Variants in SMAD9 observed in about 807,000 individuals in gnomAD.
SMAD9 encodes the protein MAD homolog 9.
SMAD9 carries 36 observed loss-of-function variants against 46.1 expected under a neutral mutation model. The observed-to-expected ratio is 0.78, with a 90% CI of 0.60 to 1.03. SMAD9 has a LOEUF of 1.03. Ranked by LOEUF, SMAD9 falls within the 50% of genes least tolerant of loss-of-function variation. SMAD9 has a pLI of 0.00. For synonymous variants in SMAD9, 245 were observed against 237.1 expected (o/e 1.03, Z -0.31); for missense variants, 572 against 599.8 (o/e 0.95, Z 0.48).
intron 1 of SMAD9, among the ~76,000 whole-genome samples, chr13:36,916,344 C>T (rs967124398): frequency 2.6e-5 from 4 of 152,098 alleles, no homozygotes; most frequent in Admixed American, 2.0e-4. Flanking sequence ...TGGAAAACTG[C>T]TAATGCAATA....
At chr13:36,855,098 G>C (rs533128975) in intron 5 of SMAD9, among the ~76,000 whole-genome samples, 20 of 151,930 alleles carry the variant, frequency 1.3e-4, no homozygotes, top group African/African-American at 4.6e-4. Context: ...TGGCCAACAT[G>C]GTGAAACCCT....
chr13:36,917,229 A>G (rs1166336456), intron 1 of SMAD9, among the ~76,000 whole-genome samples: 1 of 152,206 alleles, frequency 6.6e-6, no homozygotes, highest in Non-Finnish European at 1.5e-5. Context: ...CAAGTTTCTT[A>G]AGAGACAAAA....
At chr13:36,857,070 C>T (rs977079655) in intron 5 of SMAD9, among the ~76,000 whole-genome samples, 7 of 152,048 alleles carry the variant, frequency 4.6e-5, no homozygotes, top group Non-Finnish European at 1.0e-4. Context: ...TCCCAAAGTG[C>T]TGAGATTACA....
intron 1 of SMAD9, among the ~76,000 whole-genome samples, chr13:36,917,761 CTATT>C (rs1360096633): frequency 6.6e-6 from 1 of 152,166 alleles, no homozygotes; most frequent in Non-Finnish European, 1.5e-5. Flanking sequence ...AACTGCTGTC[CTATT>C]TATTACAGAG....
intron 1 of SMAD9, among the ~76,000 whole-genome samples, chr13:36,893,437 TATAA>T (rs1010251311): frequency 2.7e-5 from 4 of 147,146 alleles, no homozygotes; most frequent in Admixed American, 2.0e-4. Flanking sequence ...TAAATATAAA[TATAA>T]ATATATATAT....
At chr13:36,886,300 G>A (rs781526253) in intron 1 of SMAD9, among the ~76,000 whole-genome samples, 1 of 152,230 alleles carries the variant, frequency 6.6e-6, no homozygotes, top group African/African-American at 2.4e-5. Flanking sequence ...TGCGTCCCCT[G>A]ACAAGGCGAG....
At chr13:36,894,587 T>C (rs974637911) in intron 1 of SMAD9, among the ~76,000 whole-genome samples, 1 of 152,178 alleles carries the variant, frequency 6.6e-6, no homozygotes, top group African/African-American at 2.4e-5. Flanking sequence ...TTATTCGTTA[T>C]AGACTAGAAA....
At chr13:36,882,254 T>C (rs1430385641) in intron 1 of SMAD9, among the ~76,000 whole-genome samples, 2 of 144,052 alleles carry the variant, frequency 1.4e-5, no homozygotes, top group Non-Finnish European at 2.9e-5. Context: ...TGTGTGTGTG[T>C]GTGTGTATGT....
chr13:36,914,461 G>C (rs2058683966), intron 1 of SMAD9, among the ~76,000 whole-genome samples: 1 of 152,166 alleles, frequency 6.6e-6, no homozygotes, highest in Non-Finnish European at 1.5e-5. Context: ...GGAGCTTGCA[G>C]TGAGCCGAGA....
intron 2 of SMAD9, 54 bp downstream of exon 2, chr13:36,879,224 G>A (rs2058376625): frequency 1.1e-5 from 16 of 1,473,380 alleles, no homozygotes; most frequent in Middle Eastern, 1.7e-4. Context: ...TCCATCAATG[G>A]GGCACACGAC....
chr13:36,889,480 A>T (rs936510073), intron 1 of SMAD9, among the ~76,000 whole-genome samples: 2 of 152,250 alleles, frequency 1.3e-5, no homozygotes, highest in African/African-American at 4.8e-5. Flanking sequence ...AGAAAACAGA[A>T]GCAAAATGGG....
chr13:36,917,342 T>A (rs1479090357), intron 1 of SMAD9, among the ~76,000 whole-genome samples: 1 of 152,120 alleles, frequency 6.6e-6, no homozygotes, highest in African/African-American at 2.4e-5. Context: ...CAGGATAACA[T>A]GAAACATTGT....
chr13:36,856,510 G>T (rs1250421873), intron 5 of SMAD9, among the ~76,000 whole-genome samples: 1 of 152,176 alleles, frequency 6.6e-6, no homozygotes, highest in Non-Finnish European at 1.5e-5. Context: ...CCAGCATGCG[G>T]AGCCCGCCCA....
At chr13:36,916,376 C>T (rs7358872) in intron 1 of SMAD9, among the ~76,000 whole-genome samples, 3 of 152,126 alleles carry the variant, frequency 2.0e-5, no homozygotes, top group African/African-American at 7.2e-5. Context: ...GAAGCTTTTC[C>T]TGACTGTAAT....
chr13:36,881,383 T>C (rs2058401329), intron 1 of SMAD9, among the ~76,000 whole-genome samples: 1 of 152,214 alleles, frequency 6.6e-6, no homozygotes, highest in African/African-American at 2.4e-5. Flanking sequence ...GCATTAAATA[T>C]AATTTTCTCC....
intron 5 of SMAD9, among the ~76,000 whole-genome samples, chr13:36,854,945 T>A (rs1216731167): frequency 6.6e-6 from 1 of 152,076 alleles, no homozygotes; most frequent in African/African-American, 2.4e-5. Flanking sequence ...ATAAGCAAAA[T>A]ATAGCCTACA....
At chr13:36,886,436 C>G (rs1419097235) in intron 1 of SMAD9, among the ~76,000 whole-genome samples, 2 of 152,214 alleles carry the variant, frequency 1.3e-5, no homozygotes, top group Non-Finnish European at 2.9e-5. Context: ...TCCTCAATCT[C>G]CAAAACGTTG....
At chr13:36,889,934 TAA>T (rs989315205) in intron 1 of SMAD9, among the ~76,000 whole-genome samples, 3 of 152,172 alleles carry the variant, frequency 2.0e-5, no homozygotes, top group African/African-American at 7.2e-5. Flanking sequence ...CATGAAAATC[TAA>T]GTTTATCAAA....
intron 1 of SMAD9, among the ~76,000 whole-genome samples, chr13:36,890,138 T>C (rs1298671734): frequency 6.6e-6 from 1 of 152,206 alleles, no homozygotes; most frequent in East Asian, 1.9e-4. Context: ...ATCTAATTTT[T>C]TTTCTTTCTT....
Sources: gnomAD v4.1 joint callset for allele counts (sites outside exome capture counted in the v4.1 genomes callset) on GRCh38, gnomAD v4.1.1 for gene constraint, MANE v1.5 for transcripts, NCBI Gene and HGNC (gene_info 2026-07-23, HGNC 2026-07-21) for gene names.